BLVRA: variants seen among roughly 807,000 people sequenced by gnomAD.
BLVRA encodes the protein BVR A.
Under a neutral mutation model 32.8 loss-of-function variants are expected in BLVRA, and 22 were observed. That is an observed-to-expected ratio of 0.67 (90% CI 0.48 to 0.96). The LOEUF (loss-of-function observed/expected upper bound fraction) is 0.96. BLVRA is among the 40% of genes least tolerant of loss of function. The pLI is 0.00. For synonymous variants in BLVRA, 119 were observed against 141.3 expected, an observed-to-expected ratio of 0.84 and a Z score of 1.12; for missense variants, 323 against 358.1, an observed-to-expected ratio of 0.90 and a Z score of 0.79.
At chr7:43,792,894 G>A in intron 5 of BLVRA, 82 bp downstream of exon 5, 1 of 1,329,478 alleles carries the variant, frequency 7.5e-7, no homozygotes, top group African/African-American at 1.5e-5. Context: ...CCCCATTTCA[G>A]ATATCTCCTC....
At chr7:43,777,286 G>T (rs2095762402) in intron 2 of BLVRA, among the ~76,000 whole-genome samples, 1 of 151,722 alleles carries the variant, frequency 6.6e-6, no homozygotes, top group African/African-American at 2.4e-5. Context: ...GGTACCGGTT[G>T]TTCCTTTCCA....
intron 5 of BLVRA, among the ~76,000 whole-genome samples, chr7:43,799,405 GA>G (rs1180809701): frequency 1.3e-5 from 2 of 152,054 alleles, no homozygotes; most frequent in South Asian, 2.1e-4. Flanking sequence ...GCCTAGAAAT[GA>G]AAAAATTTTT....
chr7:43,803,289 T>C (rs931855515), intron 6 of BLVRA, among the ~76,000 whole-genome samples: 1 of 142,864 alleles, frequency 7.0e-6, no homozygotes, highest in African/African-American at 2.7e-5. Flanking sequence ...GATATATATA[T>C]ATGTATATGT....
intron 1 of BLVRA, among the ~76,000 whole-genome samples, chr7:43,762,320 T>C (rs1270041571): frequency 6.6e-6 from 1 of 151,970 alleles, no homozygotes; most frequent in Non-Finnish European, 1.5e-5. Flanking sequence ...GCACATACCC[T>C]TTTCCCCCCG....
chr7:43,760,135 A>C (rs564217228), intron 1 of BLVRA: 1 of 151,794 alleles, frequency 6.6e-6, no homozygotes, highest in Non-Finnish European at 1.5e-5. Flanking sequence ...TCGGCCTCCC[A>C]AAGTGCTGGG....
At chr7:43,767,854 A>AT (rs2095749923) in intron 1 of BLVRA, among the ~76,000 whole-genome samples, 1 of 152,016 alleles carries the variant, frequency 6.6e-6, no homozygotes. Context: ...ACAAAAAAAA[A>AT]AGAAAGGGAG....
intron 6 of BLVRA, among the ~76,000 whole-genome samples, chr7:43,802,558 T>A (rs1157379370): frequency 6.6e-6 from 1 of 152,122 alleles, no homozygotes; most frequent in Non-Finnish European, 1.5e-5. Flanking sequence ...AATGCAGTGG[T>A]ACAATTATGG....
At chr7:43,795,844 G>T (rs1399661923) in intron 5 of BLVRA, among the ~76,000 whole-genome samples, 2 of 151,916 alleles carry the variant, frequency 1.3e-5, no homozygotes, top group African/African-American at 4.8e-5. Context: ...AGTGGCTCAC[G>T]CCTGTAATCC....
intron 2 of BLVRA, among the ~76,000 whole-genome samples, chr7:43,784,851 C>T (rs978532837): frequency 7.2e-5 from 11 of 152,060 alleles, no homozygotes; most frequent in Admixed American, 1.3e-4. Context: ...TCAAGTGATC[C>T]GCCCACCTCA....
At chr7:43,786,783 G>A (rs1055750368) in intron 2 of BLVRA, among the ~76,000 whole-genome samples, 2 of 152,208 alleles carry the variant, frequency 1.3e-5, no homozygotes, top group Admixed American at 1.3e-4. Flanking sequence ...GACAAGAGCA[G>A]TGGGCACAGG....
chr7:43,779,521 C>A (rs2095766211), intron 2 of BLVRA, among the ~76,000 whole-genome samples: 1 of 152,306 alleles, frequency 6.6e-6, no homozygotes, highest in East Asian at 1.9e-4. Flanking sequence ...ACTCAGGCTA[C>A]AGAATGGAAA....
Position 43,807,220 on chromosome 7 carries a change from C to T in BLVRA, c.876C>T (p.Cys292=). The T allele has an allele frequency of 1.2e-6, 2 of 1,606,708 alleles. No individual in the cohort carries two copies. Among genetic ancestry groups the T allele is most frequent in the African/African-American group, 1.3e-5 (1 of 75,038 alleles). ...LGLAEEIQKY[C]CSRK is the part of the protein sequence containing the mutation. ...TTGCAGAAGAAATCCAGAAATATTG[C>T]TGTTCAAGGAAGTAAGAGGAGGAGG... The change falls in exon 8 of 8, where the codon TGC becomes TGT. Residue 292 remains cysteine (C), a synonymous_variant. Transcript: ENST00000265523.
At chr7:43,783,373 G>A (rs1262163835) in intron 2 of BLVRA, among the ~76,000 whole-genome samples, 1 of 152,028 alleles carries the variant, frequency 6.6e-6, no homozygotes, top group African/African-American at 2.4e-5. Context: ...CACCCCTCCT[G>A]TTACTACACA....
At position 43,807,259 on chromosome 7, in the gene BLVRA, C is replaced by T. The variant is rs376707701; in HGVS notation, c.*24C>T. The T allele has an allele frequency of 6.2e-7, 1 of 1,600,980 alleles. No individual in the cohort carries two copies. Among genetic ancestry groups the T allele is most frequent in the South Asian group, 1.1e-5 (1 of 91,030 alleles). On this transcript the variant is annotated 3_prime_UTR_variant, in exon 8 of 8. Transcript: ENST00000265523. ...AAGAGGAGGAGGTGATGTAGCACTTCCAAGATGGCACCAGCATTTGGTTCT... is the reference window on the plus strand; with the variant it reads ...AAGAGGAGGAGGTGATGTAGCACTTTCAAGATGGCACCAGCATTTGGTTCT...
chr7:43,774,935 CTGTT>C (rs2095758991), intron 2 of BLVRA, among the ~76,000 whole-genome samples: 1 of 152,182 alleles, frequency 6.6e-6, no homozygotes, highest in Non-Finnish European at 1.5e-5. Context: ...ATTTGACTCT[CTGTT>C]TGTCTGTTAT....
intron 7 of BLVRA, among the ~76,000 whole-genome samples, chr7:43,806,508 A>T (rs997721190): frequency 1.3e-5 from 2 of 152,072 alleles, no homozygotes; most frequent in South Asian, 4.1e-4. Flanking sequence ...TTGGGAGGCC[A>T]AGGCAGGTGG....
chr7:43,796,629 A>C (rs1484019394), intron 5 of BLVRA, among the ~76,000 whole-genome samples: 1 of 152,244 alleles, frequency 6.6e-6, no homozygotes, highest in Non-Finnish European at 1.5e-5. Flanking sequence ...GAAAGCATCA[A>C]GATATTGGAT....
intron 7 of BLVRA, 105 bp downstream of exon 7, chr7:43,803,952 C>T: frequency 7.5e-7 from 1 of 1,334,618 alleles, no homozygotes; most frequent in African/African-American, 1.4e-5. Flanking sequence ...TCACTCCCAG[C>T]TCCAGAAGGG....
At chr7:43,796,677 G>T (rs1229357461) in intron 5 of BLVRA, among the ~76,000 whole-genome samples, 1 of 152,050 alleles carries the variant, frequency 6.6e-6, no homozygotes, top group Non-Finnish European at 1.5e-5. Context: ...CAAAAACACA[G>T]GCAAAAAAAG....
Sources: gnomAD v4.1 joint callset for allele counts (sites outside exome capture counted in the v4.1 genomes callset) on GRCh38, gnomAD v4.1.1 for gene constraint, MANE v1.5 for transcripts, NCBI Gene and HGNC (gene_info 2026-07-23, HGNC 2026-07-21) for gene names.